Variants in RSF1 observed in about 807,000 individuals in gnomAD.
The protein encoded by RSF1 is HBV pX-associated protein 8.
RSF1 carries 13 observed loss-of-function variants against 145.2 expected under a neutral mutation model. The ratio of observed to expected loss-of-function variants is 0.09; its 90% CI spans 0.06 to 0.14. The LOEUF (loss-of-function observed/expected upper bound fraction) is 0.14. Among genes scored for constraint, RSF1 ranks in the 10% least tolerant of loss-of-function variants. The pLI is 1.00. For synonymous variants in RSF1, 577 were observed against 592.6 expected (o/e 0.97, Z 0.38); for missense variants, 1,517 against 1,718.2 (o/e 0.88, Z 2.07).
chr11:77,777,130 G>T (rs958988738), intron 1 of RSF1, among the ~76,000 whole-genome samples: 9 of 151,956 alleles, frequency 5.9e-5, no homozygotes, highest in Admixed American at 2.6e-4. Flanking sequence ...TCATTTTAAA[G>T]CAAATTCTAG....
At chr11:77,764,712 T>C in intron 1 of RSF1, 23 bp from the exon 2 acceptor site, 2 of 1,329,320 alleles carry the variant, frequency 1.5e-6, no homozygotes, top group Non-Finnish European at 2.1e-6. Flanking sequence ...AAAAAAAATA[T>C]CATTAGCCAA....
At chr11:77,818,290 A>G (rs1450205848) in intron 1 of RSF1, among the ~76,000 whole-genome samples, 1 of 152,216 alleles carries the variant, frequency 6.6e-6, no homozygotes, top group Non-Finnish European at 1.5e-5. Flanking sequence ...GCAATCTCAT[A>G]TACTACCCAA....
the RSF1 span, chr11:77,842,459 T>C: frequency 4.4e-6 from 7 of 1,606,916 alleles, no homozygotes; most frequent in South Asian, 1.1e-5. Context: ...TGATTTAGTA[T>C]ATTTTTCTTT....
intron 7 of RSF1, among the ~76,000 whole-genome samples, chr11:77,696,016 A>G (rs1184843267): frequency 6.6e-6 from 1 of 152,170 alleles, no homozygotes; most frequent in Non-Finnish European, 1.5e-5. Context: ...ATTACAATGC[A>G]TCACCACTTG....
At chr11:77,757,087 G>A (rs1948123606) in intron 2 of RSF1, among the ~76,000 whole-genome samples, 2 of 152,212 alleles carry the variant, frequency 1.3e-5, no homozygotes, top group Non-Finnish European at 2.9e-5. Flanking sequence ...GCTAGGACCA[G>A]AAGGATGAAT....
intron 4 of RSF1, among the ~76,000 whole-genome samples, chr11:77,737,619 GGGGTGTGTGTGTGTGTGTGTGTGTGTGT>G (rs200861541): frequency 0.31 from 31,843 of 102,356 alleles, 3,515 homozygotes; most frequent in Middle Eastern, 0.4. Flanking sequence ...TGTGTTTTGG[GGGGTGTGTGTGTGTGTGTGTGTGTGTGT>G]GTGTGTGTGT....
At chr11:77,742,169 G>C (rs1461235028) in intron 3 of RSF1, among the ~76,000 whole-genome samples, 1 of 152,192 alleles carries the variant, frequency 6.6e-6, no homozygotes, top group Non-Finnish European at 1.5e-5. Flanking sequence ...TCCAGCAGTA[G>C]GATGCTGAAT....
intron 10 of RSF1, 78 bp from the exon 11 acceptor site, chr11:77,683,897 C>G (rs760124169): frequency 1.8e-5 from 19 of 1,083,774 alleles, no homozygotes; most frequent in Non-Finnish European, 2.5e-5. Context: ...GTTTTGTAAT[C>G]TCCATTTAGG....
At chr11:77,871,982 T>C in the RSF1 span, among the ~76,000 whole-genome samples, 1 of 152,240 alleles carries the variant, frequency 6.6e-6, no homozygotes, top group African/African-American at 2.4e-5. Context: ...ATGGGTATTA[T>C]GATACCTCTG....
chr11:77,852,599 T>C, the RSF1 span, among the ~76,000 whole-genome samples: 1 of 152,088 alleles, frequency 6.6e-6, no homozygotes, highest in Non-Finnish European at 1.5e-5. Flanking sequence ...CCAAACCATA[T>C]CATAGATACA....
rs1436403984 is a variant in RSF1 at position 77,675,318 on chromosome 11, G to C, written c.3342-62C>G. ...TAGAAGAGTGAACCCATTTTTAAGA[G>C]TTCTGAGTTCAAATTCTGGTGAGCC... On this transcript the variant is annotated intron_variant, in intron 13 of 15. Transcript: ENST00000308488. 3 of 1,350,150 alleles carry C rather than the reference G, an allele frequency of 2.2e-6. No homozygotes were observed. The African/African-American group carries it at 4.4e-5, about 20-fold the overall frequency. 83.6% of individuals were successfully genotyped at this position (1,350,150 alleles called of 1,614,324 possible).
the RSF1 span, among the ~76,000 whole-genome samples, chr11:77,861,397 G>T: frequency 6.6e-6 from 1 of 152,222 alleles, no homozygotes; most frequent in African/African-American, 2.4e-5. Flanking sequence ...AGTTGTCCAG[G>T]ACAGGAGAGT....
At chr11:77,729,894 G>GAAAAAAAAAAAAAAA (rs1565162510) in intron 4 of RSF1, among the ~76,000 whole-genome samples, 1 of 11,776 alleles carries the variant, frequency 8.5e-5, no homozygotes, top group African/African-American at 4.7e-4. Context: ...TATTCAGTAG[G>GAAAAAAAAAAAAAAA]CAAAAAAAAA....
intron 10 of RSF1, among the ~76,000 whole-genome samples, chr11:77,684,118 T>C (rs1959941001): frequency 6.6e-6 from 1 of 152,206 alleles, no homozygotes; most frequent in South Asian, 2.1e-4. Flanking sequence ...ATAATTTAAT[T>C]TGCAACAGAA....
chr11:77,777,465 C>T (rs922572671), intron 1 of RSF1, among the ~76,000 whole-genome samples: 11 of 151,938 alleles, frequency 7.2e-5, no homozygotes, highest in African/African-American at 1.5e-4. Flanking sequence ...TGGTGGCGGG[C>T]GCCTGTAGTC....
At chr11:77,674,907 G>A (rs1590822850) in intron 14 of RSF1, 129 bp downstream of exon 14, 3 of 658,458 alleles carry the variant, frequency 4.6e-6, no homozygotes, top group Non-Finnish European at 7.5e-6. Flanking sequence ...GCTGAGGTAG[G>A]AGAATCGCTT....
intron 1 of RSF1, among the ~76,000 whole-genome samples, chr11:77,774,959 G>A (rs1460009715): frequency 1.3e-5 from 2 of 150,984 alleles, no homozygotes; most frequent in Non-Finnish European, 2.9e-5. Context: ...GTACAGATGA[G>A]GTTTCACTAT....
chr11:77,754,736 T>G (rs1284859694), intron 2 of RSF1, among the ~76,000 whole-genome samples: 2 of 151,742 alleles, frequency 1.3e-5, no homozygotes, highest in Non-Finnish European at 2.9e-5. Context: ...AGTGAGACCC[T>G]GTGTCGAAAA....
chr11:77,718,903 A>T (rs1437516135), intron 5 of RSF1, among the ~76,000 whole-genome samples: 1 of 152,216 alleles, frequency 6.6e-6, no homozygotes, highest in Non-Finnish European at 1.5e-5. Context: ...TATATCTGAC[A>T]TCACATTAAT....
Sources: gnomAD v4.1 joint callset for allele counts (sites outside exome capture counted in the v4.1 genomes callset) on GRCh38, gnomAD v4.1.1 for gene constraint, MANE v1.5 for transcripts, NCBI Gene and HGNC (gene_info 2026-07-23, HGNC 2026-07-21) for gene names.